The following TIMM17A variants were observed in gnomAD, a reference collection of about 807,000 sequenced individuals.
The protein encoded by TIMM17A is mitochondrial import inner membrane translocase subunit Tim17-A.
Under a neutral mutation model 26.5 loss-of-function variants are expected in TIMM17A, and 15 were observed. That is an observed-to-expected ratio of 0.57 (90% CI 0.38 to 0.87). The LOEUF is 0.87. Ranked by LOEUF, TIMM17A falls within the 40% of genes least tolerant of loss-of-function variation. The pLI, the probability that TIMM17A is intolerant of heterozygous loss-of-function variation, is 0.00. For synonymous variants in TIMM17A, 80 were observed against 70.8 expected (o/e 1.13, Z -0.66); for missense variants, 201 against 210.0 (o/e 0.96, Z 0.27).
chr1:201,969,442 T>A (rs1682693371), intron 5 of TIMM17A, 27 bp from the exon 6 acceptor site: 6 of 1,575,038 alleles, frequency 3.8e-6, no homozygotes, highest in Non-Finnish European at 5.2e-6. Context: ...AGGTGATTTT[T>A]AAATCCTTTT....
intron 1 of TIMM17A, among the ~76,000 whole-genome samples, chr1:201,956,077 T>G (rs1340644970): frequency 1.3e-5 from 2 of 152,164 alleles, no homozygotes; most frequent in Admixed American, 6.6e-5. Flanking sequence ...TGGATAAGCT[T>G]CTTTATTGCG....
chr1:201,966,802 A>G (rs1682633892), intron 5 of TIMM17A, among the ~76,000 whole-genome samples: 1 of 148,532 alleles, frequency 6.7e-6, no homozygotes, highest in African/African-American at 2.5e-5. Flanking sequence ...AGATCACACC[A>G]TTGCACTCCA....
intron 3 of TIMM17A, 79 bp from the exon 4 acceptor site, chr1:201,963,537 T>C: frequency 6.9e-7 from 1 of 1,456,720 alleles, no homozygotes; most frequent in South Asian, 1.3e-5. Flanking sequence ...CTATAGTGAG[T>C]ATGTTTTTGA....
In TIMM17A at chr1:201,957,266, T is replaced by C. The variant is rs781285977; in HGVS notation, c.27-15T>C. On this transcript the variant is annotated splice_polypyrimidine_tract_variant and intron_variant, in intron 1 of 5. Coordinates refer to ENST00000367287, the MANE Select transcript of TIMM17A (RefSeq NM_006335.3). ...TGAATGAGAAATATGGTCTTTTTTT[T>C]CCCCCTGTTCTTAGCCCATGGCGAA... 1.1e-5 allele frequency: 17 copies of C among 1,530,354 alleles called. No homozygotes were observed. Among genetic ancestry groups the C allele is most frequent in the East Asian group, 2.2e-5 (1 of 44,536 alleles). 94.8% of individuals were successfully genotyped at this position (1,530,354 alleles called of 1,614,324 possible). A position where few individuals can be genotyped will look rare whatever the true frequency, so the allele number is the denominator to read the frequency against.
At chr1:201,960,700 T>C (rs941136938) in intron 3 of TIMM17A, among the ~76,000 whole-genome samples, 9 of 152,138 alleles carry the variant, frequency 5.9e-5, no homozygotes, top group Non-Finnish European at 1.5e-5. Context: ...CAGATCAAGG[T>C]GCAGGGAGGG....
intron 3 of TIMM17A, among the ~76,000 whole-genome samples, chr1:201,958,521 G>A (rs573559864): frequency 6.6e-6 from 1 of 152,332 alleles, no homozygotes; most frequent in East Asian, 1.9e-4. Flanking sequence ...TGGGCAGCAT[G>A]GCTGCCCATT....
intron 1 of TIMM17A, 105 bp from the exon 2 acceptor site, chr1:201,957,176 G>A (rs1156373041): frequency 1.4e-6 from 1 of 695,608 alleles, no homozygotes; most frequent in Non-Finnish European, 2.5e-6. Flanking sequence ...GTTGCAGTGG[G>A]CCCTGCAGTA....
intron 3 of TIMM17A, chr1:201,957,799 G>A: frequency 3.1e-6 from 1 of 318,718 alleles, no homozygotes; most frequent in Non-Finnish European, 5.2e-6. Flanking sequence ...GACACTCGGT[G>A]ATTTTTTTTT....
Position 201,969,665 on chromosome 1 carries a change from TAGGC to T in TIMM17A, c.*112_*115del. The T allele has an allele frequency of 2.3e-6, 2 of 866,486 alleles. No homozygotes were observed. Among genetic ancestry groups the T allele is most frequent in the Non-Finnish European group, 3.8e-6 (2 of 531,112 alleles). The allele number at this position is 866,486 out of a possible 1,614,324, so 53.7% of individuals were successfully genotyped here. The stretch of plus-strand genomic sequence containing the variant: ...CCATAGGTGGGACAGCTATGGCCAA[TAGGC>T]TATAAAGAGACATTTAGCACTTTTT... On this transcript the variant is annotated 3_prime_UTR_variant, in exon 6 of 6. Coordinates refer to ENST00000367287, the MANE Select transcript of TIMM17A (RefSeq NM_006335.3).
chr1:201,964,586 T>C (rs1571606271), intron 4 of TIMM17A, among the ~76,000 whole-genome samples: 1 of 151,596 alleles, frequency 6.6e-6, no homozygotes, highest in East Asian at 1.9e-4. Flanking sequence ...CGAAACAGTA[T>C]GGCTGTGTTT....
At chr1:201,960,455 C>CA (rs1682505009) in intron 3 of TIMM17A, among the ~76,000 whole-genome samples, 1 of 151,870 alleles carries the variant, frequency 6.6e-6, no homozygotes, top group African/African-American at 2.4e-5. Flanking sequence ...ACAGATGCTC[C>CA]ATGCTAATGT....
chr1:201,956,828 C>T (rs187503343), intron 1 of TIMM17A, among the ~76,000 whole-genome samples: 131 of 152,096 alleles, frequency 8.6e-4, no homozygotes, highest in Admixed American at 1.5e-3. Flanking sequence ...TGGTGGCACG[C>T]GCCTGTAGTC....
intron 3 of TIMM17A, chr1:201,962,340 G>C (rs904956984): frequency 1.3e-5 from 2 of 152,094 alleles, no homozygotes; most frequent in Non-Finnish European, 2.9e-5. Flanking sequence ...CTATCCACTG[G>C]ATTTATTTAT....
Position 201,970,375 on chromosome 1 carries a change from G to GT in TIMM17A, c.*822dup, listed in dbSNP as rs1258212360. 2.6e-5 allele frequency: 4 copies of GT among 152,218 alleles called. No homozygotes were observed. Among genetic ancestry groups the GT allele is most frequent in the African/African-American group, 9.7e-5 (4 of 41,446 alleles). 9.4% of individuals were successfully genotyped at this position (152,218 alleles called of 1,614,324 possible). ...GTTCCAAGTCCTCTGCATAAACGAT[G>GT]TATTTTGGGGTCTGGTTGGGCCTGG... On this transcript the variant is annotated 3_prime_UTR_variant, in exon 6 of 6. Transcript: ENST00000367287.
intron 3 of TIMM17A, among the ~76,000 whole-genome samples, chr1:201,961,313 C>T (rs557153723): frequency 5.3e-5 from 8 of 151,404 alleles, no homozygotes; most frequent in African/African-American, 1.7e-4. Flanking sequence ...GCAGTCCACC[C>T]GTCTTGGCCT....
chr1:201,965,504 A>T lies in TIMM17A; in HGVS notation c.391A>T (p.Ile131Phe). 6.2e-7 allele frequency: 1 copy of T among 1,614,170 alleles called. No homozygotes were observed. Residue 131 changes from isoleucine (I) to phenylalanine (F), a missense_variant, in exon 5 of 6, where the codon ATC becomes TTC. Ile to Phe is a conservative substitution (Grantham distance 21). Transcript: ENST00000367287. ...CCTAGCTTTAATTGAAGGAGCTGGT[A>T]TCTTGTTGACAAGATTTGCCTCTGC... ...ILLALIEGAGILLTRFASAQF... is the reference protein window; with the variant it reads ...ILLALIEGAGFLLTRFASAQF...
At chr1:201,965,601 A>G in intron 5 of TIMM17A, 58 bp downstream of exon 5, 1 of 1,075,478 alleles carries the variant, frequency 9.3e-7, no homozygotes, top group Non-Finnish European at 1.4e-6. Flanking sequence ...TTCTGATGTT[A>G]AGAAAGAACA....
Position 201,965,553 on chromosome 1 carries a change from T to C in TIMM17A, c.430+10T>C. 6.5e-7 allele frequency: 1 copy of C among 1,546,186 alleles called. No individual in the cohort carries two copies. The highest frequency in any genetic ancestry group is 2.2e-5 in the East Asian group (1 of 44,586). ...GCACAGTTTCCCAATGGTGAGTCTT[T>C]TTGCTTAAAACTATAGCTCAAACAT... On this transcript the variant is annotated intron_variant, in intron 5 of 5. Coordinates refer to ENST00000367287, the MANE Select transcript of TIMM17A (RefSeq NM_006335.3).
chr1:201,960,849 A>G (rs985582314), intron 3 of TIMM17A, among the ~76,000 whole-genome samples: 4 of 151,936 alleles, frequency 2.6e-5, no homozygotes, highest in African/African-American at 9.7e-5. Context: ...CCCAGGTTCA[A>G]GTGATGCTCC....
Sources: allele counts gnomAD v4.1 joint callset (sites outside exome capture counted in the v4.1 genomes callset), GRCh38; gene constraint gnomAD v4.1.1; transcripts MANE v1.5; gene names NCBI Gene and HGNC (gene_info 2026-07-23, HGNC 2026-07-21).